The following GRM3 variants were observed in gnomAD, a reference collection of about 807,000 sequenced individuals.
GRM3 encodes metabotropic glutamate receptor 3.
Under a neutral mutation model 70.5 loss-of-function variants are expected in GRM3, and 26 were observed. The observed-to-expected ratio is 0.37, with a 90% CI of 0.27 to 0.51. The LOEUF is 0.51. Ranked by LOEUF, GRM3 falls within the 20% of genes least tolerant of loss-of-function variation. The pLI is 0.93. For synonymous variants in GRM3, 443 were observed against 434.9 expected (o/e 1.02, Z -0.23); for missense variants, 859 against 1,123.8 (o/e 0.76, Z 3.37).
chr7:86,768,408 A>G (rs948829872), intron 2 of GRM3, among the ~76,000 whole-genome samples: 1 of 152,214 alleles, frequency 6.6e-6, no homozygotes, highest in Admixed American at 6.5e-5. Context: ...TGTGCACTGC[A>G]CTGTGACAGG....
chr7:86,783,723 G>T (rs1004192340), intron 2 of GRM3, among the ~76,000 whole-genome samples: 1 of 152,058 alleles, frequency 6.6e-6, no homozygotes, highest in Non-Finnish European at 1.5e-5. Flanking sequence ...TTAATCTAAA[G>T]AAACTAATTT....
intron 1 of GRM3, among the ~76,000 whole-genome samples, chr7:86,669,846 C>G (rs1052939150): frequency 6.6e-6 from 1 of 152,116 alleles, no homozygotes; most frequent in African/African-American, 2.4e-5. Flanking sequence ...TGAAGTATCT[C>G]AACTTAGTCT....
chr7:86,763,120 T>C (rs1796520203), intron 1 of GRM3, among the ~76,000 whole-genome samples: 1 of 152,178 alleles, frequency 6.6e-6, no homozygotes, highest in Non-Finnish European at 1.5e-5. Flanking sequence ...TTCAAATTGC[T>C]AACATTTGCT....
rs534624079 is a variant in GRM3 at position 86,754,945 on chromosome 7, A to G, written c.-140-10061A>G. ...AGCTCCCATACTTACAAGAGCTTAC[A>G]TGCATTCTTTTAAGCCACTCTACCA... is the stretch of plus-strand genomic sequence containing the variant. On this transcript the variant is annotated intron_variant, in intron 1 of 5. Coordinates refer to ENST00000361669, the MANE Select transcript of GRM3 (RefSeq NM_000840.3). 2.0e-5 allele frequency among the ~76,000 whole-genome samples: 3 copies of G among 152,238 alleles called. No individual in the cohort carries two copies. In the East Asian group the frequency reaches 5.8e-4, roughly 29 times the overall value.
At chr7:86,739,747 G>T (rs1423772540) in intron 1 of GRM3, among the ~76,000 whole-genome samples, 1 of 152,210 alleles carries the variant, frequency 6.6e-6, no homozygotes, top group African/African-American at 2.4e-5. Flanking sequence ...CAAACTGAAT[G>T]CACCTTTTGG....
chr7:86,759,311 A>C (rs1156651973), intron 1 of GRM3, among the ~76,000 whole-genome samples: 1 of 152,200 alleles, frequency 6.6e-6, no homozygotes, highest in East Asian at 1.9e-4. Flanking sequence ...GCAATTCAGC[A>C]TCACAAAGTC....
At chr7:86,700,198 T>A (rs541079469) in intron 1 of GRM3, among the ~76,000 whole-genome samples, 1 of 152,138 alleles carries the variant, frequency 6.6e-6, no homozygotes, top group African/African-American at 2.4e-5. Context: ...GAGACAGGAA[T>A]ACCTAAATCT....
Position 86,787,113 on chromosome 7 carries a change from A to T in GRM3, c.1321A>T (p.Thr441Ser), listed in dbSNP as rs1797271536. 1.3e-6 allele frequency: 2 copies of T among 1,599,130 alleles called. No individual in the cohort carries two copies. The highest frequency in any genetic ancestry group is 1.7e-5 in the Admixed American group (1 of 59,852). Residue 441 changes from threonine to serine, a missense_variant, in exon 3 of 6, where the codon ACG becomes TCG. Coordinates refer to ENST00000361669, the MANE Select transcript of GRM3 (RefSeq NM_000840.3). ...YKDYLLKINF[T>S]APFNPNKDAD... ...GGATTACTTGCTGAAAATCAACTTC[A>T]CGGGTAAGCCAAGAGCCTTTAAACA...
At chr7:86,705,035 C>G (rs761999450) in intron 1 of GRM3, among the ~76,000 whole-genome samples, 1 of 151,758 alleles carries the variant, frequency 6.6e-6, no homozygotes, top group South Asian at 2.1e-4. Context: ...ATAGCTCTTC[C>G]CTTTATATAG....
intron 1 of GRM3, among the ~76,000 whole-genome samples, chr7:86,726,324 A>T (rs1795592585): frequency 6.6e-6 from 1 of 152,192 alleles, no homozygotes; most frequent in South Asian, 2.1e-4. Flanking sequence ...TTTAAAGCAA[A>T]CAACAGCTCT....
chr7:86,857,918 TTTTTATTTTATTTTATTTTA>T (rs375923210), intron 5 of GRM3, among the ~76,000 whole-genome samples: 2,064 of 142,670 alleles, frequency 0.014, 47 homozygotes, highest in African/African-American at 0.05. Flanking sequence ...AGAGAGTAAA[TTTTTATTTTATTTTATTTTA>T]TTTTATTTTA....
At chr7:86,745,461 TAAG>T (rs891312574) in intron 1 of GRM3, among the ~76,000 whole-genome samples, 6 of 152,112 alleles carry the variant, frequency 3.9e-5, no homozygotes, top group African/African-American at 1.4e-4. Context: ...GAAAACAATA[TAAG>T]TAGAAATCTT....
At chr7:86,815,605 A>G (rs1797999856) in intron 3 of GRM3, among the ~76,000 whole-genome samples, 1 of 151,880 alleles carries the variant, frequency 6.6e-6, no homozygotes, top group Non-Finnish European at 1.5e-5. Flanking sequence ...TTCAGTACAC[A>G]AAGCACTTCG....
At chr7:86,712,026 T>C (rs1795210985) in intron 1 of GRM3, among the ~76,000 whole-genome samples, 1 of 152,076 alleles carries the variant, frequency 6.6e-6, no homozygotes, top group Non-Finnish European at 1.5e-5. Flanking sequence ...TCTACTTTTG[T>C]ATGCTCTTTC....
chr7:86,710,143 A>G (rs1795159752), intron 1 of GRM3: 1 of 152,114 alleles, frequency 6.6e-6, no homozygotes, highest in Non-Finnish European at 1.5e-5. Flanking sequence ...ATAGGCTGCA[A>G]ATGTAACTTC....
At chr7:86,738,836 T>G (rs1169047393) in intron 1 of GRM3, among the ~76,000 whole-genome samples, 1 of 152,226 alleles carries the variant, frequency 6.6e-6, no homozygotes, top group Non-Finnish European at 1.5e-5. Context: ...CATTGTGAAA[T>G]GACCAGATAG....
intron 1 of GRM3, among the ~76,000 whole-genome samples, chr7:86,715,094 G>C (rs1230285158): frequency 6.6e-6 from 1 of 152,020 alleles, no homozygotes; most frequent in Non-Finnish European, 1.5e-5. Context: ...AATTAGAACA[G>C]AAGGTCTCAA....
intron 3 of GRM3, among the ~76,000 whole-genome samples, chr7:86,814,230 T>A (rs1472155286): frequency 1.3e-5 from 2 of 151,778 alleles, no homozygotes; most frequent in Non-Finnish European, 2.9e-5. Context: ...AAGCTATTCT[T>A]TTTTCTTTAA....
chr7:86,648,995 TA>T (rs765736823), intron 1 of GRM3, among the ~76,000 whole-genome samples: 23 of 152,166 alleles, frequency 1.5e-4, no homozygotes, highest in Admixed American at 4.6e-4. Flanking sequence ...AATCAGCATC[TA>T]AAAACACCAT....
Sources: gnomAD v4.1 joint callset for allele counts (sites outside exome capture counted in the v4.1 genomes callset) on GRCh38, gnomAD v4.1.1 for gene constraint, MANE v1.5 for transcripts, NCBI Gene and HGNC (gene_info 2026-07-23, HGNC 2026-07-21) for gene names.